Variants in SYT1 observed in about 807,000 individuals in gnomAD.
The protein encoded by SYT1 is synaptotagmin 1, also known as synaptotagmin-1.
SYT1 carries 8 observed loss-of-function variants against 44.8 expected under a neutral mutation model. That is an observed-to-expected ratio of 0.18 (90% CI 0.10 to 0.32). The LOEUF (loss-of-function observed/expected upper bound fraction) is 0.32. SYT1 is among the 10% of genes least tolerant of loss of function. SYT1 has a pLI of 1.00. For synonymous variants in SYT1, 154 were observed against 188.8 expected (o/e 0.82, Z 1.51); for missense variants, 286 against 509.3 (o/e 0.56, Z 4.22).
At chr12:79,000,098 T>C (rs1193029256) in intron 2 of SYT1, among the ~76,000 whole-genome samples, 2 of 152,106 alleles carry the variant, frequency 1.3e-5, no homozygotes, top group African/African-American at 4.8e-5. Context: ...TCTAAAGTAA[T>C]TCAAAATTAA....
intron 3 of SYT1, among the ~76,000 whole-genome samples, chr12:79,095,453 A>C (rs1051028810): frequency 1.3e-5 from 2 of 151,698 alleles, no homozygotes; most frequent in East Asian, 3.9e-4. Context: ...TCTTTTTTTT[A>C]ATTTGATCTT....
chr12:79,355,932 G>T (rs754607633), intron 9 of SYT1, among the ~76,000 whole-genome samples: 2 of 151,990 alleles, frequency 1.3e-5, no homozygotes, highest in Non-Finnish European at 2.9e-5. Context: ...AAACAGAAAA[G>T]AAGCCAACAG....
At chr12:79,203,254 C>T (rs560782190) in intron 3 of SYT1, among the ~76,000 whole-genome samples, 9 of 152,262 alleles carry the variant, frequency 5.9e-5, no homozygotes, top group Non-Finnish European at 1.2e-4. Flanking sequence ...AGCTGCTCAA[C>T]GGCATTGTGA....
intron 1 of SYT1, among the ~76,000 whole-genome samples, chr12:78,880,962 G>GT (rs1185797819): frequency 6.6e-6 from 1 of 151,202 alleles, no homozygotes; most frequent in Non-Finnish European, 1.5e-5. Context: ...ACTAATTATT[G>GT]TAAGAAAAAA....
chr12:79,034,230 A>G (rs1253590941), intron 2 of SYT1, among the ~76,000 whole-genome samples: 1 of 151,562 alleles, frequency 6.6e-6, no homozygotes, highest in Non-Finnish European at 1.5e-5. Context: ...TTGTTCCTCT[A>G]AGATTAGATA....
At chr12:79,195,508 GAA>G (rs5799418) in intron 3 of SYT1, among the ~76,000 whole-genome samples, 12,586 of 129,356 alleles carry the variant, frequency 0.097, 1,019 homozygotes, top group African/African-American at 0.23. Flanking sequence ...AGGTAACCCT[GAA>G]AAAAAAAAAA....
At chr12:79,322,794 G>A (rs1180791721) in intron 8 of SYT1, among the ~76,000 whole-genome samples, 1 of 151,934 alleles carries the variant, frequency 6.6e-6, no homozygotes, top group Non-Finnish European at 1.5e-5. Flanking sequence ...GAGGCAGCTG[G>A]GAATGACTTT....
intron 2 of SYT1, among the ~76,000 whole-genome samples, chr12:78,982,902 A>G (rs903556931): frequency 6.6e-6 from 1 of 152,104 alleles, no homozygotes; most frequent in Admixed American, 6.6e-5. Flanking sequence ...CAATGTTTTT[A>G]TTAAACATCT....
chr12:78,889,620 G>C (rs1243887885), intron 1 of SYT1, among the ~76,000 whole-genome samples: 1 of 151,102 alleles, frequency 6.6e-6, no homozygotes, highest in African/African-American at 2.4e-5. Context: ...TGATTAGAGT[G>C]CATGGGAACA....
At chr12:79,221,220 G>A (rs1875138956) in intron 4 of SYT1, among the ~76,000 whole-genome samples, 1 of 151,712 alleles carries the variant, frequency 6.6e-6, no homozygotes, top group Admixed American at 6.6e-5. Context: ...TATTTTATTT[G>A]ATCTGATACA....
chr12:78,930,952 G>T (rs1323078203), intron 1 of SYT1, among the ~76,000 whole-genome samples: 1 of 151,372 alleles, frequency 6.6e-6, no homozygotes, highest in Non-Finnish European at 1.5e-5. Flanking sequence ...GGTAAATATT[G>T]TTGTAGTTGT....
intron 9 of SYT1, among the ~76,000 whole-genome samples, chr12:79,401,810 C>T (rs1885078834): frequency 6.6e-6 from 1 of 151,790 alleles, no homozygotes; most frequent in Admixed American, 6.6e-5. Context: ...GCTAGGACTA[C>T]AGGCAGGAGC....
At chr12:79,350,672 A>G (rs1331784095) in intron 8 of SYT1, among the ~76,000 whole-genome samples, 1 of 152,208 alleles carries the variant, frequency 6.6e-6, no homozygotes, top group Non-Finnish European at 1.5e-5. Context: ...ATCTTGGATC[A>G]AACCACCAGG....
At chr12:79,417,587 C>T (rs1189874244) in intron 9 of SYT1, among the ~76,000 whole-genome samples, 1 of 152,152 alleles carries the variant, frequency 6.6e-6, no homozygotes, top group Non-Finnish European at 1.5e-5. Context: ...ATTAGCTTCT[C>T]ACTACCTTCA....
At chr12:79,197,617 T>G (rs1020226722) in intron 3 of SYT1, among the ~76,000 whole-genome samples, 1 of 152,204 alleles carries the variant, frequency 6.6e-6, no homozygotes, top group African/African-American at 2.4e-5. Context: ...TTTAAAGCCA[T>G]AATTCCATCA....
chr12:79,068,234 C>T lies in SYT1; in HGVS notation c.-18+20872C>T, dbSNP rs549363861. On this transcript the variant is annotated intron_variant, in intron 3 of 10. Coordinates refer to ENST00000261205, the MANE Select transcript of SYT1 (RefSeq NM_005639.3). ...ATGAAGCCTCTGGTGGGCTAGACAG[C>T]TCTATTTCCTGCTTTCAATTTTGGA... Among the ~76,000 whole-genome samples, 9 of 152,246 alleles carry T rather than the reference C, an allele frequency of 5.9e-5. No homozygotes were observed. The South Asian group carries it at 1.2e-3, about 21-fold the overall frequency.
intron 3 of SYT1, among the ~76,000 whole-genome samples, chr12:79,166,064 C>T (rs1052187442): frequency 6.6e-5 from 10 of 152,010 alleles, no homozygotes; most frequent in South Asian, 2.1e-4. Context: ...ATGTCAGATT[C>T]GTCAACTTGG....
At chr12:79,368,166 C>T (rs1464651174) in intron 9 of SYT1, among the ~76,000 whole-genome samples, 1 of 151,240 alleles carries the variant, frequency 6.6e-6, no homozygotes, top group Non-Finnish European at 1.5e-5. Context: ...TTTTTCCTTG[C>T]AATAGTTTAC....
intron 8 of SYT1, among the ~76,000 whole-genome samples, chr12:79,348,213 C>A (rs183540481): frequency 6.6e-6 from 1 of 152,182 alleles, no homozygotes; most frequent in Admixed American, 6.5e-5. Context: ...ATCATGCTGC[C>A]TTTTATGTGA....
Sources: allele counts gnomAD v4.1 joint callset (sites outside exome capture counted in the v4.1 genomes callset), GRCh38; gene constraint gnomAD v4.1.1; transcripts MANE v1.5; gene names NCBI Gene and HGNC (gene_info 2026-07-23, HGNC 2026-07-21).